Variants in ITGA8 observed in about 807,000 individuals in gnomAD.
The protein encoded by ITGA8 is integrin alpha-8.
Under a neutral mutation model 142.3 loss-of-function variants are expected in ITGA8, and 91 were observed. The observed-to-expected ratio is 0.64, with a 90% CI of 0.54 to 0.76. The LOEUF (loss-of-function observed/expected upper bound fraction) is 0.76, where lower values mean the gene tolerates loss of function less well. Among genes scored for constraint, ITGA8 ranks in the 30% least tolerant of loss-of-function variants. The pLI is 0.00. For synonymous variants in ITGA8, 505 were observed against 485.2 expected, an observed-to-expected ratio of 1.04 and a Z score of -0.54; for missense variants, 1,406 against 1,327.7, an observed-to-expected ratio of 1.06 and a Z score of -0.92.
intron 13 of ITGA8, among the ~76,000 whole-genome samples, chr10:15,618,218 A>G (rs1001129875): frequency 7.2e-6 from 1 of 138,894 alleles, no homozygotes; most frequent in Non-Finnish European, 1.6e-5. Context: ...TATCCCCTGA[A>G]TCTAAAATAA....
At chr10:15,539,511 A>G (rs1267195728) in intron 27 of ITGA8, among the ~76,000 whole-genome samples, 1 of 152,160 alleles carries the variant, frequency 6.6e-6, no homozygotes, top group African/African-American at 2.4e-5. Context: ...ACTGCGGGTC[A>G]TTATTTTGGG....
chr10:15,618,508 C>G (rs1355952542), intron 13 of ITGA8, among the ~76,000 whole-genome samples: 6 of 152,152 alleles, frequency 3.9e-5, no homozygotes, highest in Admixed American at 3.9e-4. Flanking sequence ...TCAACTTGAT[C>G]AGACTGAAGG....
chr10:15,525,154 G>A (rs1250071209), intron 28 of ITGA8, among the ~76,000 whole-genome samples: 8 of 152,004 alleles, frequency 5.3e-5, no homozygotes, highest in Non-Finnish European at 1.5e-5. Flanking sequence ...GACTACAGGG[G>A]TGTACCACCA....
chr10:15,639,604 C>T (rs1833835026), intron 13 of ITGA8, among the ~76,000 whole-genome samples: 2 of 152,244 alleles, frequency 1.3e-5, no homozygotes, highest in South Asian at 4.1e-4. Context: ...TCTCACCCCA[C>T]CCGCTTGATC....
intron 8 of ITGA8, among the ~76,000 whole-genome samples, chr10:15,664,766 G>A (rs1834355855): frequency 6.7e-6 from 1 of 149,980 alleles, no homozygotes; most frequent in South Asian, 2.1e-4. Flanking sequence ...AACATGCAGT[G>A]TTTGGTTTTT....
At chr10:15,538,507 G>A (rs1172122915) in intron 27 of ITGA8, among the ~76,000 whole-genome samples, 9 of 73,408 alleles carry the variant, frequency 1.2e-4, no homozygotes, top group Non-Finnish European at 2.6e-4. Flanking sequence ...GTGAGACTCC[G>A]TCTCGAAAAA....
intron 2 of ITGA8, among the ~76,000 whole-genome samples, chr10:15,717,388 T>C (rs1162991488): frequency 6.6e-6 from 1 of 152,220 alleles, no homozygotes; most frequent in African/African-American, 2.4e-5. Context: ...GCATTAATTT[T>C]GTGTTTAAAT....
intron 23 of ITGA8, among the ~76,000 whole-genome samples, chr10:15,583,865 CA>C (rs1305539280): frequency 9.2e-5 from 14 of 152,098 alleles, no homozygotes; most frequent in Non-Finnish European, 7.4e-5. Flanking sequence ...TCTGACTTTT[CA>C]AAAACCCCAC....
intron 28 of ITGA8, among the ~76,000 whole-genome samples, chr10:15,528,983 T>TTTCTTTCCTTCC (rs1564337367): frequency 1.4e-5 from 2 of 147,412 alleles, no homozygotes; most frequent in Non-Finnish European, 3.0e-5. Context: ...TCTTTCCTTC[T>TTTCTTTCCTTCC]TTCTTTCCTT....
rs1286458088 is a variant in ITGA8, at chr10:15,628,357, G to A, written c.1400-11798C>T. Among the ~76,000 whole-genome samples, 11 of 101,168 alleles carry A rather than the reference G, an allele frequency of 1.1e-4. No individual in the cohort carries two copies. In the East Asian group the frequency reaches 3.7e-3, roughly 34 times the overall value. The allele number at this position is 101,168 out of a possible 152,430, so 66.4% of individuals were successfully genotyped here. ...TTTTTTTTTTTTTTTTTTTTGAGAT[G>A]GAGTCTCGCTCTGTCTAGCAGGCTG... On this transcript the variant is annotated intron_variant, in intron 13 of 29. Transcript: ENST00000378076.
chr10:15,521,755 A>C (rs775944433), intron 28 of ITGA8, among the ~76,000 whole-genome samples: 1 of 152,232 alleles, frequency 6.6e-6, no homozygotes, highest in Non-Finnish European at 1.5e-5. Flanking sequence ...TAAGGATGAG[A>C]AACGTAGTTC....
At chr10:15,569,339 A>G (rs536348792) in intron 25 of ITGA8, among the ~76,000 whole-genome samples, 4 of 152,256 alleles carry the variant, frequency 2.6e-5, no homozygotes, top group Non-Finnish European at 4.4e-5. Flanking sequence ...GAAAGGGTGA[A>G]GAATGTGTAG....
At chr10:15,696,224 G>A (rs547750294) in intron 2 of ITGA8, among the ~76,000 whole-genome samples, 2 of 152,306 alleles carry the variant, frequency 1.3e-5, no homozygotes, top group Admixed American at 6.5e-5. Context: ...TTACCTAAGC[G>A]AGCCTCTCAG....
chr10:15,681,003 T>C (rs935912743), intron 4 of ITGA8, among the ~76,000 whole-genome samples: 4 of 152,090 alleles, frequency 2.6e-5, no homozygotes, highest in Non-Finnish European at 4.4e-5. Flanking sequence ...AGGAAGCATG[T>C]GGATAATTTG....
chr10:15,570,470 C>T (rs1588650773), intron 25 of ITGA8, among the ~76,000 whole-genome samples: 1 of 151,920 alleles, frequency 6.6e-6, no homozygotes, highest in Admixed American at 6.6e-5. Flanking sequence ...ATTAGTCAGA[C>T]GTGGTGGTAC....
chr10:15,628,987 G>A (rs1833637008), intron 13 of ITGA8, among the ~76,000 whole-genome samples: 2 of 151,968 alleles, frequency 1.3e-5, no homozygotes, highest in Non-Finnish European at 2.9e-5. Context: ...GATAGGCTAA[G>A]GTTAAGGAGC....
intron 11 of ITGA8, among the ~76,000 whole-genome samples, chr10:15,655,055 T>A (rs1834157006): frequency 6.6e-6 from 1 of 152,168 alleles, no homozygotes; most frequent in Non-Finnish European, 1.5e-5. Flanking sequence ...GAGAGATAGA[T>A]GAATGTTCTC....
At chr10:15,615,752 G>C (rs1833380068) in intron 14 of ITGA8, among the ~76,000 whole-genome samples, 1 of 152,082 alleles carries the variant, frequency 6.6e-6, no homozygotes, top group Admixed American at 6.5e-5. Context: ...GACCTCAAGT[G>C]ATCCGCCCAC....
chr10:15,530,274 G>C (rs1426798714), intron 28 of ITGA8, among the ~76,000 whole-genome samples: 1 of 146,450 alleles, frequency 6.8e-6, no homozygotes, highest in African/African-American at 2.5e-5. Context: ...TCAGCTGGGC[G>C]CAGTGGCTTA....
Sources: allele counts gnomAD v4.1 joint callset (sites outside exome capture counted in the v4.1 genomes callset), GRCh38; gene constraint gnomAD v4.1.1; transcripts MANE v1.5; gene names NCBI Gene and HGNC (gene_info 2026-07-23, HGNC 2026-07-21).